RYR3: variants seen among roughly 807,000 people sequenced by gnomAD.
The protein encoded by RYR3 is brain ryanodine receptor-calcium release channel.
A neutral mutation model predicts 584.3 loss-of-function variants in RYR3; 207 were observed. The observed-to-expected ratio is 0.35, with a 90% confidence interval of 0.32 to 0.40. RYR3 has a LOEUF of 0.40. RYR3 is among the 10% of genes least tolerant of loss of function. The pLI is 1.00. For synonymous variants in RYR3, 2,416 were observed against 2,248.5 expected (o/e 1.07, Z -2.11); for missense variants, 5,616 against 6,089.2 (o/e 0.92, Z 2.59).
At chr15:33,679,014 T>C (rs2064385008) in intron 38 of RYR3, among the ~76,000 whole-genome samples, 1 of 152,174 alleles carries the variant, frequency 6.6e-6, no homozygotes, top group Non-Finnish European at 1.5e-5. Flanking sequence ...TCAAAAGTCC[T>C]CTTGAAGTCC....
At chr15:33,410,630 T>TA (rs2043334686) in intron 1 of RYR3, among the ~76,000 whole-genome samples, 1 of 152,246 alleles carries the variant, frequency 6.6e-6, no homozygotes, top group Non-Finnish European at 1.5e-5. Context: ...AATTGAGGCA[T>TA]AAATGTCTTT....
intron 3 of RYR3, among the ~76,000 whole-genome samples, chr15:33,509,748 G>A (rs957354467): frequency 4.6e-5 from 7 of 152,062 alleles, no homozygotes; most frequent in African/African-American, 1.4e-4. Flanking sequence ...CTTTGTATTC[G>A]TTGGTAAAAA....
chr15:33,389,453 G>C (rs897557398), intron 1 of RYR3, among the ~76,000 whole-genome samples: 1 of 152,146 alleles, frequency 6.6e-6, no homozygotes, highest in Non-Finnish European at 1.5e-5. Context: ...ACAGCAGCTG[G>C]CATGTGGTAA....
At chr15:33,761,468 A>T (rs1011636503) in intron 60 of RYR3, among the ~76,000 whole-genome samples, 1 of 152,258 alleles carries the variant, frequency 6.6e-6, no homozygotes, top group African/African-American at 2.4e-5. Flanking sequence ...AATACTACAA[A>T]CACATCTATG....
chr15:33,845,534 A>C (rs554334908), intron 93 of RYR3, among the ~76,000 whole-genome samples: 1 of 152,310 alleles, frequency 6.6e-6, no homozygotes, highest in African/African-American at 2.4e-5. Flanking sequence ...GATTACAAGC[A>C]TGAGCCACTG....
At chr15:33,374,266 C>T (rs1173027557) in intron 1 of RYR3, among the ~76,000 whole-genome samples, 3 of 152,106 alleles carry the variant, frequency 2.0e-5, no homozygotes, top group African/African-American at 4.8e-5. Context: ...GACTGAGATG[C>T]GACTGGCTCT....
chr15:33,479,092 T>C (rs1014816323), intron 2 of RYR3, among the ~76,000 whole-genome samples: 9 of 91,264 alleles, frequency 9.9e-5, no homozygotes, highest in African/African-American at 7.1e-5. Flanking sequence ...TCATCTCCTG[T>C]TTGCAGAATG....
chr15:33,371,510 G>A (rs750099948), intron 1 of RYR3, among the ~76,000 whole-genome samples: 1 of 152,124 alleles, frequency 6.6e-6, no homozygotes, highest in East Asian at 1.9e-4. Flanking sequence ...TGTGCTAGGC[G>A]CCAGCACATG....
intron 42 of RYR3, among the ~76,000 whole-genome samples, chr15:33,703,488 C>G (rs143631058): frequency 1.3e-5 from 2 of 152,310 alleles, no homozygotes; most frequent in African/African-American, 4.8e-5. Flanking sequence ...CTCACGTAGT[C>G]TTTTCTTTGT....
intron 1 of RYR3, among the ~76,000 whole-genome samples, chr15:33,429,733 C>T (rs760786982): frequency 1.3e-5 from 2 of 152,116 alleles, no homozygotes; most frequent in Admixed American, 6.5e-5. Context: ...CTGTTAAGCA[C>T]GTATAAGAAA....
At chr15:33,721,332 G>A (rs2067891938) in intron 43 of RYR3, among the ~76,000 whole-genome samples, 2 of 152,232 alleles carry the variant, frequency 1.3e-5, no homozygotes, top group South Asian at 2.1e-4. Flanking sequence ...GACGGCAGCT[G>A]CCACCTCATG....
intron 8 of RYR3, among the ~76,000 whole-genome samples, chr15:33,546,559 T>C (rs1221740856): frequency 6.6e-6 from 1 of 152,218 alleles, no homozygotes; most frequent in Non-Finnish European, 1.5e-5. Context: ...CATTGATTGC[T>C]GTATGATTAA....
intron 2 of RYR3, among the ~76,000 whole-genome samples, chr15:33,490,918 C>T (rs910037109): frequency 1.3e-5 from 2 of 152,132 alleles, no homozygotes; most frequent in African/African-American, 2.4e-5. Flanking sequence ...TAAGCCTGGC[C>T]AGTATCCATG....
chr15:33,503,024 C>T (rs1182930932), intron 2 of RYR3, among the ~76,000 whole-genome samples: 6 of 152,146 alleles, frequency 3.9e-5, no homozygotes, highest in African/African-American at 1.4e-4. Flanking sequence ...ATGAATGTCA[C>T]GATGTTAACT....
intron 2 of RYR3, among the ~76,000 whole-genome samples, chr15:33,475,478 C>T (rs1000688394): frequency 1.6e-4 from 24 of 152,176 alleles, no homozygotes; most frequent in African/African-American, 5.6e-4. Context: ...GCACAGCTCA[C>T]ATTAAGGTTC....
rs74334765 is a variant in RYR3 at position 33,589,177 on chromosome 15, A to T, written c.1788+3061A>T. ...CTGACTAGTGTTAAGATGACATCTC[A>T]TAGTGGTTTTAGTTTGCACTTCGCT... On this transcript the variant is annotated intron_variant, in intron 16 of 103. Coordinates refer to ENST00000634891, the MANE Select transcript of RYR3 (RefSeq NM_001036.6). 1.1e-3 allele frequency among the ~76,000 whole-genome samples: 170 copies of T among 152,282 alleles called. No individual in the cohort carries two copies. The East Asian group carries it at 0.021, about 19-fold the overall frequency.
intron 88 of RYR3, 35 bp downstream of exon 88, chr15:33,837,022 A>G (rs1243281263): frequency 2.0e-6 from 3 of 1,509,366 alleles, no homozygotes; most frequent in South Asian, 1.1e-5. Context: ...CCTTCACACA[A>G]CTGTAATTGG....
chr15:33,411,312 A>G (rs1041378390), intron 1 of RYR3, among the ~76,000 whole-genome samples: 1 of 152,238 alleles, frequency 6.6e-6, no homozygotes, highest in Non-Finnish European at 1.5e-5. Context: ...ACCCTCAGCC[A>G]TCACTGACGT....
intron 1 of RYR3, among the ~76,000 whole-genome samples, chr15:33,450,416 G>A (rs1436742445): frequency 6.6e-6 from 1 of 152,102 alleles, no homozygotes; most frequent in Non-Finnish European, 1.5e-5. Flanking sequence ...CTGTAGCTTT[G>A]CAAGCAGCAA....
Sources: allele counts gnomAD v4.1 joint callset (sites outside exome capture counted in the v4.1 genomes callset), GRCh38; gene constraint gnomAD v4.1.1; transcripts MANE v1.5; gene names NCBI Gene and HGNC (gene_info 2026-07-23, HGNC 2026-07-21).